The following TTC29 variants were observed in gnomAD, a reference collection of about 807,000 sequenced individuals.
TTC29 encodes tetratricopeptide repeat protein 29.
TTC29 carries 49 observed loss-of-function variants against 58.1 expected under a neutral mutation model. That is an observed-to-expected ratio of 0.84 (90% confidence interval 0.67 to 1.07). The LOEUF is 1.07. TTC29 is among the 50% of genes least tolerant of loss of function. TTC29 has a pLI of 0.00. For missense variants in TTC29, 582 were observed against 555.6 expected (o/e 1.05, Z -0.48); for synonymous variants, 209 against 196.8 (o/e 1.06, Z -0.52).
chr4:146,714,381 G>C (rs1474722493), intron 11 of TTC29, among the ~76,000 whole-genome samples: 2 of 152,002 alleles, frequency 1.3e-5, no homozygotes, highest in Non-Finnish European at 2.9e-5. Flanking sequence ...GAAAGAAAGA[G>C]AGTCAAAAAG....
chr4:146,733,563 C>T (rs911032194), intron 11 of TTC29, among the ~76,000 whole-genome samples: 5 of 152,054 alleles, frequency 3.3e-5, no homozygotes, highest in African/African-American at 4.8e-5. Flanking sequence ...AATAATTCTA[C>T]ATACTTATCC....
chr4:146,789,934 C>T (rs888774368), intron 11 of TTC29, among the ~76,000 whole-genome samples: 9 of 152,286 alleles, frequency 5.9e-5, no homozygotes, highest in South Asian at 2.1e-4. Flanking sequence ...GTAATCACCA[C>T]GGCTTACAAG....
chr4:146,709,303 C>A (rs776167438), intron 11 of TTC29, among the ~76,000 whole-genome samples: 4 of 152,102 alleles, frequency 2.6e-5, no homozygotes, highest in Non-Finnish European at 5.9e-5. Flanking sequence ...AACTGTTTGG[C>A]TGCCTCCTTT....
chr4:146,854,461 G>C (rs963126914), intron 8 of TTC29, among the ~76,000 whole-genome samples: 13 of 152,156 alleles, frequency 8.5e-5, no homozygotes, highest in Admixed American at 2.6e-4. Context: ...CTGGCACATA[G>C]AATCGAGTTA....
At chr4:146,891,383 T>C (rs1375839922) in intron 6 of TTC29, among the ~76,000 whole-genome samples, 3 of 152,222 alleles carry the variant, frequency 2.0e-5, no homozygotes, top group Non-Finnish European at 4.4e-5. Context: ...AGGTAGCACA[T>C]AACCTTCAGC....
At chr4:146,741,205 G>A (rs1001756524) in intron 11 of TTC29, among the ~76,000 whole-genome samples, 3 of 152,198 alleles carry the variant, frequency 2.0e-5, no homozygotes, top group Admixed American at 1.3e-4. Flanking sequence ...TTTAGATCCA[G>A]GGTGTGAAAT....
intron 4 of TTC29, among the ~76,000 whole-genome samples, chr4:146,920,531 A>G (rs1326736851): frequency 9.9e-5 from 15 of 151,324 alleles, no homozygotes; most frequent in Admixed American, 9.9e-4. Flanking sequence ...GTAATGGAAG[A>G]TAGTGTAGGG....
At chr4:146,918,088 G>A (rs964311699) in intron 4 of TTC29, among the ~76,000 whole-genome samples, 25 of 150,882 alleles carry the variant, frequency 1.7e-4, no homozygotes, top group East Asian at 3.9e-4. Flanking sequence ...ACAGTTACGC[G>A]TTTACTAATT....
Position 146,903,495 on chromosome 4 carries a change from C to T in TTC29, c.586+49G>A, listed in dbSNP as rs764110116. The stretch of plus-strand genomic sequence containing the variant: ...CACGTGTTTTTCCATTGTGTGATCT[C>T]AGGATCCACCAAAACATACCCAAGG... On this transcript the variant is annotated intron_variant, in intron 6 of 12. Transcript: ENST00000325106. 7 of 1,507,720 alleles carry T rather than the reference C, an allele frequency of 4.6e-6. No homozygotes were observed. In the South Asian group the frequency reaches 9.3e-5, roughly 20 times the overall value. 93.4% of individuals were successfully genotyped at this position (1,507,720 alleles called of 1,614,324 possible).
At chr4:146,750,255 C>T (rs557804163) in intron 11 of TTC29, among the ~76,000 whole-genome samples, 76 of 152,302 alleles carry the variant, frequency 5.0e-4, no homozygotes, top group Middle Eastern at 3.4e-3. Flanking sequence ...GATCCGCCCG[C>T]CTCGGCCTCC....
chr4:146,796,333 A>G (rs1749832347), intron 11 of TTC29, among the ~76,000 whole-genome samples: 1 of 152,208 alleles, frequency 6.6e-6, no homozygotes, highest in South Asian at 2.1e-4. Context: ...TCAGAAAGCT[A>G]GGAATCATAG....
intron 2 of TTC29, among the ~76,000 whole-genome samples, chr4:146,941,911 A>T (rs1736441263): frequency 6.6e-6 from 1 of 152,132 alleles, no homozygotes; most frequent in Admixed American, 6.5e-5. Context: ...AGAGAAGGAG[A>T]GATGTAGTCA....
intron 12 of TTC29, 88 bp downstream of exon 12, chr4:146,707,397 C>T (rs1384634696): frequency 7.1e-6 from 7 of 985,160 alleles, no homozygotes; most frequent in Non-Finnish European, 1.1e-5. Flanking sequence ...GATGAAGCTC[C>T]TCTTTTTGTG....
intron 11 of TTC29, among the ~76,000 whole-genome samples, chr4:146,791,410 T>C (rs1039025311): frequency 6.6e-6 from 1 of 152,222 alleles, no homozygotes; most frequent in African/African-American, 2.4e-5. Context: ...TGATCTTTGA[T>C]GTTATTATTG....
rs114834031 is a variant in TTC29 at position 146,726,921 on chromosome 4, C to T, written c.1331-19370G>A. On this transcript the variant is annotated intron_variant, in intron 11 of 12. Coordinates refer to ENST00000325106, the MANE Select transcript of TTC29 (RefSeq NM_031956.4). ...AATTTTTGCATAGATGATTCTTGCACGTGGTACATTTTTAAAAAAGGGTAG... is the reference window on the plus strand; with the variant it reads ...AATTTTTGCATAGATGATTCTTGCATGTGGTACATTTTTAAAAAAGGGTAG... Among the ~76,000 whole-genome samples, 799 of 152,018 alleles carry T rather than the reference C, an allele frequency of 5.3e-3. 11 individuals are homozygous for T. Among genetic ancestry groups the T allele is most frequent in the African/African-American group, 0.018 (740 of 41,484 alleles).
intron 6 of TTC29, among the ~76,000 whole-genome samples, chr4:146,877,853 T>A (rs568814583): frequency 6.6e-6 from 1 of 152,080 alleles, no homozygotes; most frequent in Non-Finnish European, 1.5e-5. Flanking sequence ...TAGAGGCAAA[T>A]GAGGTATAAT....
chr4:146,753,755 G>A (rs1395445491), intron 11 of TTC29, among the ~76,000 whole-genome samples: 7 of 152,058 alleles, frequency 4.6e-5, no homozygotes, highest in Non-Finnish European at 1.5e-5. Context: ...TCCTTTGTAG[G>A]GACATGGATG....
At chr4:146,768,082 A>T (rs1747461720) in intron 11 of TTC29, among the ~76,000 whole-genome samples, 1 of 152,038 alleles carries the variant, frequency 6.6e-6, no homozygotes, top group Admixed American at 6.6e-5. Flanking sequence ...TTTATTTGTC[A>T]GGAAGTAAAA....
intron 4 of TTC29, among the ~76,000 whole-genome samples, chr4:146,916,346 G>A (rs1215715993): frequency 6.6e-6 from 1 of 151,538 alleles, no homozygotes; most frequent in Admixed American, 6.6e-5. Context: ...TAAAGAGAGA[G>A]AAGTTAAAAA....
Sources: allele counts gnomAD v4.1 joint callset (sites outside exome capture counted in the v4.1 genomes callset), GRCh38; gene constraint gnomAD v4.1.1; transcripts MANE v1.5; gene names NCBI Gene and HGNC (gene_info 2026-07-23, HGNC 2026-07-21).